The following SGMS1 variants were observed in gnomAD, a reference collection of about 807,000 sequenced individuals.
SGMS1 encodes the protein phosphatidylcholine:ceramide cholinephosphotransferase 1.
In SGMS1, 13 loss-of-function variants were observed where a neutral mutation model predicts 46.2. The ratio of observed to expected loss-of-function variants is 0.28; its 90% CI spans 0.18 to 0.45. The LOEUF (loss-of-function observed/expected upper bound fraction) is 0.45. Among genes scored for constraint, SGMS1 ranks in the 20% least tolerant of loss-of-function variants. The pLI, the probability that SGMS1 is intolerant of heterozygous loss-of-function variation, is 1.00. For synonymous variants in SGMS1, 203 were observed against 187.8 expected (o/e 1.08, Z -0.66); for missense variants, 324 against 519.9 (o/e 0.62, Z 3.66).
At chr10:50,481,597 A>G (rs1322860065) in intron 3 of SGMS1, among the ~76,000 whole-genome samples, 1 of 152,204 alleles carries the variant, frequency 6.6e-6, no homozygotes, top group South Asian at 2.1e-4. Flanking sequence ...TGAAAACTGA[A>G]AAAGTCAGAG....
chr10:50,446,691 A>T (rs1173196866), intron 5 of SGMS1, among the ~76,000 whole-genome samples: 2 of 152,214 alleles, frequency 1.3e-5, no homozygotes, highest in Non-Finnish European at 2.9e-5. Context: ...AAGTTCTGAA[A>T]GAGGCAAAAT....
rs1483856006 is a variant in SGMS1, at chr10:50,307,898, T to C, written c.1062+84A>G. 8.8e-6 allele frequency: 12 copies of C among 1,356,634 alleles called. No individual in the cohort carries two copies. The Admixed American group carries it at 2.4e-4, about 27-fold the overall frequency. 84.0% of individuals were successfully genotyped at this position (1,356,634 alleles called of 1,614,324 possible). On this transcript the variant is annotated intron_variant, in intron 10 of 10. Coordinates refer to ENST00000361781, the MANE Select transcript of SGMS1 (RefSeq NM_147156.4). This position sits in a 1 kb window ranked among gnomAD's most constrained non-coding sequence, Gnocchi z 4.2. ...ACTTAAGAAAGAGAAACTTCAGACA[T>C]CCACAGGTTCTTTGCACCCTGTCCA...
intron 9 of SGMS1, among the ~76,000 whole-genome samples, chr10:50,310,562 CA>C (rs1192659894): frequency 6.6e-6 from 1 of 151,620 alleles, no homozygotes; most frequent in Non-Finnish European, 1.5e-5. Flanking sequence ...TACACAAGTC[CA>C]AAAAAATGGA....
At chr10:50,612,805 T>C (rs1838762982) in intron 1 of SGMS1, among the ~76,000 whole-genome samples, 1 of 152,190 alleles carries the variant, frequency 6.6e-6, no homozygotes, top group Non-Finnish European at 1.5e-5. Context: ...GCTTCGTGGA[T>C]TCAAGCAATT....
intron 1 of SGMS1, among the ~76,000 whole-genome samples, chr10:50,595,060 G>C (rs1299295927): frequency 6.6e-6 from 1 of 152,186 alleles, no homozygotes; most frequent in Non-Finnish European, 1.5e-5. Flanking sequence ...ACTCTGGACA[G>C]CTTCTTCAGT....
chr10:50,577,617 T>G (rs1225484171), intron 2 of SGMS1, among the ~76,000 whole-genome samples: 1 of 152,204 alleles, frequency 6.6e-6, no homozygotes, highest in Non-Finnish European at 1.5e-5. Flanking sequence ...GTTTGTGGCT[T>G]TAATAACAAG....
At position 50,375,475 on chromosome 10, in the gene SGMS1, G is replaced by C. The variant is rs141599723; in HGVS notation, c.-231-31130C>G. Among the ~76,000 whole-genome samples, 1,409 of 152,264 alleles carry C rather than the reference G, an allele frequency of 9.3e-3. 25 individuals are homozygous for C. The highest frequency in any genetic ancestry group is 0.031 in the African/African-American group (1,288 of 41,544). On this transcript the variant is annotated intron_variant, in intron 6 of 10. Transcript: ENST00000361781. ...CTGGAGTGGATTCAAATAAAGACAG[G>C]GGGTGAGAGCACTGTAATTTATTAG...
At position 50,338,842 on chromosome 10, in the gene SGMS1, C is replaced by T. The variant is rs377434790; in HGVS notation, c.623+4650G>A. Among the ~76,000 whole-genome samples the T allele has an allele frequency of 2.1e-4, 32 of 151,850 alleles. No individual in the cohort carries two copies. The East Asian group carries it at 3.3e-3, about 16-fold the overall frequency. ...GCAACCTCCGCCTCCTGGGTTCAAG[C>T]GATTCTCCTGCCTCAGTCTCCCGAG... On this transcript the variant is annotated intron_variant, in intron 7 of 10. Coordinates refer to ENST00000361781, the MANE Select transcript of SGMS1 (RefSeq NM_147156.4).
intron 3 of SGMS1, among the ~76,000 whole-genome samples, chr10:50,517,518 T>C (rs1403472593): frequency 6.6e-6 from 1 of 151,992 alleles, no homozygotes; most frequent in African/African-American, 2.4e-5. Context: ...AAGAAAATAC[T>C]GAACAGAAAT....
Position 50,344,179 on chromosome 10 carries a change from A to G in SGMS1, c.-65T>C. ...GCAGGTCAGCAGTCACTGTTCCGACAGGGCAGGACACTGTCCTGCCTCGGC... is the reference window on the plus strand; with the variant it reads ...GCAGGTCAGCAGTCACTGTTCCGACGGGGCAGGACACTGTCCTGCCTCGGC... On this transcript the variant is annotated 5_prime_UTR_variant, in exon 7 of 11. Coordinates refer to ENST00000361781, the MANE Select transcript of SGMS1 (RefSeq NM_147156.4). 7 of 1,518,390 alleles carry G rather than the reference A, an allele frequency of 4.6e-6. No individual in the cohort carries two copies. Among genetic ancestry groups the G allele is most frequent in the Non-Finnish European group, 6.1e-6 (7 of 1,141,970 alleles). The allele number at this position is 1,518,390 out of a possible 1,614,324, so 94.1% of individuals were successfully genotyped here.
At chr10:50,314,820 CTAAGGTGGGAGGAT>C (rs1847313269) in intron 8 of SGMS1, among the ~76,000 whole-genome samples, 1 of 152,076 alleles carries the variant, frequency 6.6e-6, no homozygotes, top group Non-Finnish European at 1.5e-5. Context: ...ACTTGGAAGG[CTAAGGTGGGAGGAT>C]CCTTTGAGCC....
chr10:50,495,022 C>G (rs1392032407), intron 3 of SGMS1, among the ~76,000 whole-genome samples: 1 of 129,602 alleles, frequency 7.7e-6, no homozygotes, highest in African/African-American at 3.0e-5. Flanking sequence ...GGCGACAGAG[C>G]GAGACTCCGT....
intron 2 of SGMS1, among the ~76,000 whole-genome samples, chr10:50,560,234 CAT>C (rs923122453): frequency 1.4e-4 from 19 of 139,932 alleles, no homozygotes; most frequent in African/African-American, 4.5e-4. Flanking sequence ...TAATATATAA[CAT>C]AATATTATGT....
chr10:50,611,002 A>T (rs147636899), intron 1 of SGMS1, among the ~76,000 whole-genome samples: 2 of 152,292 alleles, frequency 1.3e-5, no homozygotes, highest in East Asian at 3.9e-4. Context: ...TGTAGAGTGA[A>T]CTAATAGCCA....
intron 2 of SGMS1, among the ~76,000 whole-genome samples, chr10:50,546,276 C>T (rs1410477692): frequency 6.6e-6 from 1 of 152,192 alleles, no homozygotes; most frequent in African/African-American, 2.4e-5. Flanking sequence ...GCAGTAAAAC[C>T]ACAAGATGGA....
chr10:50,352,814 A>C (rs573237785), intron 6 of SGMS1, among the ~76,000 whole-genome samples: 1 of 152,376 alleles, frequency 6.6e-6, no homozygotes, highest in African/African-American at 2.4e-5. Context: ...AAACACCTCT[A>C]TGCAAATAAA....
At chr10:50,592,040 G>A (rs980747460) in intron 1 of SGMS1, among the ~76,000 whole-genome samples, 1 of 152,104 alleles carries the variant, frequency 6.6e-6, no homozygotes, top group African/African-American at 2.4e-5. Context: ...AACCTCTTCC[G>A]GCTGCTTCCT....
intron 6 of SGMS1, among the ~76,000 whole-genome samples, chr10:50,398,198 C>G (rs1227438536): frequency 6.6e-6 from 1 of 152,050 alleles, no homozygotes; most frequent in African/African-American, 2.4e-5. Context: ...TAATTATTCA[C>G]GTGCAATGAC....
At chr10:50,408,936 T>C (rs932836378) in intron 6 of SGMS1, among the ~76,000 whole-genome samples, 1 of 152,188 alleles carries the variant, frequency 6.6e-6, no homozygotes, top group Non-Finnish European at 1.5e-5. Flanking sequence ...TCCCTCCTGC[T>C]ACTGGCTACA....
Sources: gnomAD v4.1 joint callset for allele counts (sites outside exome capture counted in the v4.1 genomes callset) on GRCh38, gnomAD v4.1.1 for gene constraint, Gnocchi (gnomAD v3.1) non-coding constraint, MANE v1.5 for transcripts, NCBI Gene and HGNC (gene_info 2026-07-23, HGNC 2026-07-21) for gene names.